NRG3: variants seen among roughly 807,000 people sequenced by gnomAD.
NRG3 encodes pro-neuregulin-3, membrane-bound isoform.
In NRG3, 31 loss-of-function variants were observed where a neutral mutation model predicts 66.9. The observed-to-expected ratio is 0.46, with a 90% CI of 0.35 to 0.63. The LOEUF is 0.63. Ranked by LOEUF, NRG3 falls within the 20% of genes least tolerant of loss-of-function variation. The pLI is 0.00. For synonymous variants in NRG3, 393 were observed against 359.4 expected, an observed-to-expected ratio of 1.09 and a Z score of -1.06; for missense variants, 910 against 878.9, an observed-to-expected ratio of 1.04 and a Z score of -0.45.
intron 1 of NRG3, among the ~76,000 whole-genome samples, chr10:81,929,474 G>T (rs182430900): frequency 6.6e-6 from 1 of 152,290 alleles, no homozygotes; most frequent in East Asian, 1.9e-4. Context: ...CCCAGCGGCC[G>T]TTTTGCATGG....
intron 4 of NRG3, among the ~76,000 whole-genome samples, chr10:82,932,960 C>A (rs950593128): frequency 2.6e-5 from 4 of 152,138 alleles, no homozygotes; most frequent in Admixed American, 6.5e-5. Context: ...GTTCTTCACT[C>A]GCCTTTCTTC....
chr10:82,573,254 A>G (rs1039326376), intron 2 of NRG3, among the ~76,000 whole-genome samples: 1 of 151,798 alleles, frequency 6.6e-6, no homozygotes, highest in African/African-American at 2.4e-5. Flanking sequence ...TCTTTAAACC[A>G]TTCTCTTGGA....
intron 4 of NRG3, among the ~76,000 whole-genome samples, chr10:82,879,149 C>T (rs2132377): frequency 0.35 from 52,561 of 152,106 alleles, 9,872 homozygotes; most frequent in East Asian, 0.63. Context: ...ACCTTTTTCT[C>T]ATCAGCCTCT....
intron 1 of NRG3, among the ~76,000 whole-genome samples, chr10:82,036,924 C>T (rs1352387182): frequency 1.3e-5 from 2 of 152,102 alleles, no homozygotes; most frequent in East Asian, 3.9e-4. Context: ...TATAACATGT[C>T]AATAGCCAGA....
intron 2 of NRG3, among the ~76,000 whole-genome samples, chr10:82,571,939 GAAGT>G (rs1167871843): frequency 6.6e-6 from 1 of 151,544 alleles, no homozygotes; most frequent in Non-Finnish European, 1.5e-5. Context: ...GTGCAGTTAG[GAAGT>G]AAGGGAGGTA....
intron 1 of NRG3, among the ~76,000 whole-genome samples, chr10:82,150,153 C>T (rs893584015): frequency 5.3e-5 from 8 of 152,080 alleles, no homozygotes; most frequent in African/African-American, 9.7e-5. Flanking sequence ...CAGGAGCCTC[C>T]GGGACCCTTC....
intron 2 of NRG3, among the ~76,000 whole-genome samples, chr10:82,366,519 T>A (rs2154315): frequency 0.33 from 50,931 of 152,064 alleles, 11,043 homozygotes; most frequent in African/African-American, 0.6. Flanking sequence ...GATTTTTCCC[T>A]CATTGCTTTT....
rs568498231 is a variant in NRG3, at chr10:82,768,570, T to C, written c.1027+29920T>C. Reference sequence around the variant, plus strand: ...TAATAACCCACCTAGCACCAAGTAATTGTAGAGATTTTCATCTCTTCAAGA... The same window carrying C: ...TAATAACCCACCTAGCACCAAGTAACTGTAGAGATTTTCATCTCTTCAAGA... On this transcript the variant is annotated intron_variant, in intron 3 of 8. Coordinates refer to ENST00000372141, the MANE Select transcript of NRG3 (RefSeq NM_001010848.4). 5.9e-5 allele frequency among the ~76,000 whole-genome samples: 9 copies of C among 152,290 alleles called. No individual in the cohort carries two copies. The South Asian group carries it at 6.2e-4, about 11-fold the overall frequency.
intron 2 of NRG3, among the ~76,000 whole-genome samples, chr10:82,639,528 A>C (rs1360236908): frequency 5.9e-5 from 9 of 152,226 alleles, no homozygotes; most frequent in Non-Finnish European, 7.3e-5. Flanking sequence ...GTCAGTTGCA[A>C]CCACTGAATA....
At chr10:82,807,157 T>C (rs1351654613) in intron 3 of NRG3, among the ~76,000 whole-genome samples, 5 of 152,218 alleles carry the variant, frequency 3.3e-5, no homozygotes, top group African/African-American at 1.2e-4. Flanking sequence ...TCTTTCCCTC[T>C]AATCATGTTC....
intron 3 of NRG3, among the ~76,000 whole-genome samples, chr10:82,752,692 A>G (rs1039715035): frequency 2.6e-5 from 4 of 152,172 alleles, no homozygotes; most frequent in African/African-American, 9.6e-5. Flanking sequence ...GGTAGATTAG[A>G]TCATCAGAGT....
chr10:82,049,273 G>T (rs537206711), intron 1 of NRG3, among the ~76,000 whole-genome samples: 2 of 152,128 alleles, frequency 1.3e-5, no homozygotes, highest in South Asian at 4.1e-4. Context: ...TTGGATGTCT[G>T]TTGTCTGCAT....
chr10:82,223,789 CT>C (rs1014116506), intron 1 of NRG3, among the ~76,000 whole-genome samples: 10 of 152,052 alleles, frequency 6.6e-5, no homozygotes, highest in Middle Eastern at 3.2e-3. Flanking sequence ...ATTCTTTTCT[CT>C]TATAAATGTA....
intron 3 of NRG3, among the ~76,000 whole-genome samples, chr10:82,830,917 C>A (rs180970326): frequency 7.4e-4 from 112 of 152,256 alleles, no homozygotes; most frequent in South Asian, 1.7e-3. Flanking sequence ...TACAAATAGG[C>A]AGGTCCCTGG....
intron 3 of NRG3, among the ~76,000 whole-genome samples, chr10:82,779,198 G>C (rs1180930344): frequency 6.6e-6 from 1 of 152,162 alleles, no homozygotes; most frequent in Admixed American, 6.5e-5. Flanking sequence ...GCTGGGCTTA[G>C]AACCTGTGAA....
intron 1 of NRG3, among the ~76,000 whole-genome samples, chr10:82,320,845 A>C (rs935667033): frequency 6.6e-6 from 1 of 152,112 alleles, no homozygotes; most frequent in East Asian, 1.9e-4. Context: ...TCCAAGACCA[A>C]TCTGGCTTAC....
chr10:82,801,833 A>T (rs545235729), intron 3 of NRG3, among the ~76,000 whole-genome samples: 1 of 152,236 alleles, frequency 6.6e-6, no homozygotes, highest in Admixed American at 6.5e-5. Flanking sequence ...TGTGATGGTA[A>T]ATTCAGAATA....
chr10:82,246,335 A>C (rs954115351), intron 1 of NRG3, among the ~76,000 whole-genome samples: 3 of 152,214 alleles, frequency 2.0e-5, no homozygotes, highest in Non-Finnish European at 2.9e-5. Flanking sequence ...TTTGTGCTTT[A>C]GTAATCATTC....
At chr10:82,654,641 TATTA>T (rs2051700919) in intron 2 of NRG3, among the ~76,000 whole-genome samples, 1 of 152,224 alleles carries the variant, frequency 6.6e-6, no homozygotes, top group Non-Finnish European at 1.5e-5. Flanking sequence ...TTTCATTATA[TATTA>T]ATTGTTTTCC....
Sources: gnomAD v4.1 joint callset for allele counts (sites outside exome capture counted in the v4.1 genomes callset) on GRCh38, gnomAD v4.1.1 for gene constraint, MANE v1.5 for transcripts, NCBI Gene and HGNC (gene_info 2026-07-23, HGNC 2026-07-21) for gene names.